The following NUDC variants were observed in gnomAD, a reference collection of about 807,000 sequenced individuals.
NUDC encodes nuclear migration protein nudC.
NUDC carries 14 observed loss-of-function variants against 45.0 expected under a neutral mutation model. The observed-to-expected ratio is 0.31, with a 90% CI of 0.21 to 0.49. The LOEUF (loss-of-function observed/expected upper bound fraction) is 0.49, where lower values mean the gene tolerates loss of function less well. Among genes scored for constraint, NUDC ranks in the 20% least tolerant of loss-of-function variants. NUDC has a pLI of 0.99. For synonymous variants in NUDC, 153 were observed against 156.7 expected (o/e 0.98, Z 0.17); for missense variants, 323 against 426.2 (o/e 0.76, Z 2.13).
At chr1:26,902,466 A>T (rs2081983972) in intron 2 of NUDC, 1 of 152,222 alleles carries the variant, frequency 6.6e-6, no homozygotes, top group Non-Finnish European at 1.5e-5. Context: ...ATGAGAGAAG[A>T]ACCCTTTTTG....
At chr1:26,908,411 T>C (rs1009794358) in intron 2 of NUDC, among the ~76,000 whole-genome samples, 3 of 152,232 alleles carry the variant, frequency 2.0e-5, no homozygotes, top group Admixed American at 2.0e-4. Flanking sequence ...TTTTGCCATA[T>C]TTGTCTTTAT....
intron 2 of NUDC, among the ~76,000 whole-genome samples, chr1:26,937,849 A>G (rs182110947): frequency 4.6e-5 from 7 of 151,926 alleles, no homozygotes; most frequent in East Asian, 1.9e-4. Flanking sequence ...GGGTCTTCCT[A>G]TGTTGCCCAG....
intron 3 of NUDC, among the ~76,000 whole-genome samples, chr1:26,915,036 T>C (rs2082054794): frequency 6.8e-6 from 1 of 146,688 alleles, no homozygotes; most frequent in East Asian, 2.0e-4. Context: ...TATGTGTATA[T>C]ATATATACAC....
chr1:26,933,199 G>A (rs2082197743), intron 2 of NUDC, among the ~76,000 whole-genome samples: 1 of 151,732 alleles, frequency 6.6e-6, no homozygotes, highest in Non-Finnish European at 1.5e-5. Flanking sequence ...CTCCCAAAGA[G>A]CTGGGATTAC....
chr1:26,910,231 G>A lies in NUDC; in HGVS notation c.-15-897G>A, dbSNP rs547125287. Among the ~76,000 whole-genome samples, 39 of 152,132 alleles carry A rather than the reference G, an allele frequency of 2.6e-4. 1 individual carries two copies. Among genetic ancestry groups the A allele is most frequent in the Admixed American group, 2.4e-3 (37 of 15,272 alleles). Reference sequence around the variant, plus strand: ...ACTGTATCTGGGCAGTGCTTTTCTGGGCTATAAGTGGGTGGTTGGAGAGTC... The same window carrying A: ...ACTGTATCTGGGCAGTGCTTTTCTGAGCTATAAGTGGGTGGTTGGAGAGTC... On this transcript the variant is annotated intron_variant, in intron 2 of 6. Transcript: ENST00000435827.
rs201227067 is a variant in NUDC at position 26,912,117 on chromosome 1, G to A, written c.93+882G>A. ...GGCAGAGAGGGAGAAGAGGGCTGGT[G>A]AGCACCCTACTCCCAGCCACCAAAG... is the stretch of plus-strand genomic sequence containing the variant. On this transcript the variant is annotated intron_variant, in intron 3 of 6. Coordinates refer to the NUDC transcript ENST00000435827. The A allele has an allele frequency of 3.2e-4, 515 of 1,611,558 alleles. 3 individuals carry two copies. The highest frequency in any genetic ancestry group is 2.8e-3 in the Middle Eastern group (13 of 4,644).
chr1:26,914,839 T>C (rs1383456370), intron 3 of NUDC, among the ~76,000 whole-genome samples: 8 of 151,958 alleles, frequency 5.3e-5, no homozygotes, highest in African/African-American at 1.9e-4. Flanking sequence ...TGGTGGCATG[T>C]GCCTGTAGTC....
At chr1:26,921,327 C>T (rs559630027), upstream of NUDC, among the ~76,000 whole-genome samples, 25 of 152,290 alleles carry the variant, frequency 1.6e-4, no homozygotes, top group African/African-American at 5.8e-4. Context: ...TAGTCAAGTA[C>T]GCAGTGAGGT....
chr1:26,933,665 C>T (rs991974170), intron 2 of NUDC, among the ~76,000 whole-genome samples: 2 of 152,048 alleles, frequency 1.3e-5, no homozygotes, highest in Non-Finnish European at 2.9e-5. Flanking sequence ...CCACCCGCCT[C>T]GGCCTCCCAA....
At chr1:26,936,166 T>TA (rs1491359477) in intron 2 of NUDC, among the ~76,000 whole-genome samples, 66 of 1,810 alleles carry the variant, frequency 0.036, no homozygotes, top group Non-Finnish European at 0.046. Flanking sequence ...TATATATATA[T>TA]TTTTTTTTTT....
At position 26,946,550 on chromosome 1, in the gene NUDC, T is replaced by TA. The variant is rs769001153; in HGVS notation, c.*372dup. ...CTCTGGGCCTCAGTTTCTCATTACT[T>TA]AAAGATTAAAACAAGGCTTGGCCGG... On this transcript the variant is annotated 3_prime_UTR_variant, in exon 9 of 9. Transcript: ENST00000321265. The TA allele has an allele frequency of 5.3e-5, 18 of 337,482 alleles. No homozygotes were observed. Among genetic ancestry groups the TA allele is most frequent in the Non-Finnish European group, 1.0e-4 (18 of 174,454 alleles). The allele number at this position is 337,482 out of a possible 1,614,324, so 20.9% of individuals were successfully genotyped here. A position where few individuals can be genotyped will look rare whatever the true frequency, so the allele number is the denominator to read the frequency against.
intron 2 of NUDC, among the ~76,000 whole-genome samples, chr1:26,940,810 T>C (rs577820162): frequency 1.3e-5 from 2 of 152,006 alleles, no homozygotes; most frequent in South Asian, 2.1e-4. Context: ...CTCAGCCTCC[T>C]GAGTAGCTGG....
intron 2 of NUDC, among the ~76,000 whole-genome samples, chr1:26,905,669 T>C (rs1159595040): frequency 1.3e-5 from 2 of 152,158 alleles, no homozygotes; most frequent in African/African-American, 4.8e-5. Context: ...GGGGTAATTT[T>C]TTGCCCTGGT....
intron 2 of NUDC, among the ~76,000 whole-genome samples, chr1:26,935,313 TC>T (rs1243677896): frequency 6.6e-6 from 1 of 152,052 alleles, no homozygotes; most frequent in East Asian, 1.9e-4. Context: ...AATTACCCAG[TC>T]TAGGGTATTC....
chr1:26,915,048 T>C (rs967011905), intron 3 of NUDC, among the ~76,000 whole-genome samples: 1 of 144,264 alleles, frequency 6.9e-6, no homozygotes, highest in East Asian at 1.9e-4. Context: ...TATATACACA[T>C]ACATACATAC....
At position 26,946,315 on chromosome 1, in the gene NUDC, G is replaced by A; in HGVS notation, c.*134G>A. 5.0e-6 allele frequency: 4 copies of A among 797,490 alleles called. No individual in the cohort carries two copies. The highest frequency in any genetic ancestry group is 8.8e-6 in the Non-Finnish European group (4 of 452,236). 49.4% of individuals were successfully genotyped at this position (797,490 alleles called of 1,614,324 possible). A position where few individuals can be genotyped will look rare whatever the true frequency, so the allele number is the denominator to read the frequency against. ...ACTGGCCCAGGCACACAGGTCCCGG[G>A]GCATCAGGAGAAAGGCTGGGTCTTG... On this transcript the variant is annotated 3_prime_UTR_variant, in exon 9 of 9. Coordinates refer to ENST00000321265, the MANE Select transcript of NUDC (RefSeq NM_006600.4).
At chr1:26,943,102 A>G in intron 6 of NUDC, 37 bp downstream of exon 6, 1 of 1,608,158 alleles carries the variant, frequency 6.2e-7, no homozygotes, top group East Asian at 2.2e-5. Flanking sequence ...TGGGGTGTTG[A>G]TGGAAGTAGA....
At chr1:26,909,675 C>A (rs1303273988) in intron 2 of NUDC, among the ~76,000 whole-genome samples, 3 of 152,028 alleles carry the variant, frequency 2.0e-5, no homozygotes, top group Non-Finnish European at 4.4e-5. Context: ...GGATTTGGGT[C>A]CTATGTGGGA....
chr1:26,900,209 G>A, upstream of NUDC: 2 of 1,614,180 alleles, frequency 1.2e-6, no homozygotes, highest in Non-Finnish European at 1.7e-6. Context: ...AAGTCTGAGA[G>A]AGAAGCTGGC....
Sources: gnomAD v4.1 joint callset for allele counts (sites outside exome capture counted in the v4.1 genomes callset) on GRCh38, gnomAD v4.1.1 for gene constraint, MANE v1.5 for transcripts, NCBI Gene and HGNC (gene_info 2026-07-23, HGNC 2026-07-21) for gene names.